Variants in SDSL observed in about 807,000 individuals in gnomAD.
The protein encoded by SDSL is serine dehydratase-like.
Under a neutral mutation model 27.6 loss-of-function variants are expected in SDSL, and 26 were observed. The observed-to-expected ratio is 0.94, with a 90% confidence interval of 0.69 to 1.31. SDSL has a LOEUF of 1.31. Ranked by LOEUF, SDSL falls within the 50% of genes most tolerant of loss-of-function variation. SDSL has a pLI of 0.00. For missense variants in SDSL, 431 were observed against 423.5 expected, an observed-to-expected ratio of 1.02 and a Z score of -0.16; for synonymous variants, 196 against 180.6, an observed-to-expected ratio of 1.09 and a Z score of -0.69.
Position 113,428,058 on chromosome 12 carries a change from C to T in SDSL, c.76C>T (p.Leu26=), listed in dbSNP as rs923063545. 1.9e-6 allele frequency: 3 copies of T among 1,613,924 alleles called. No homozygotes were observed. In the African/African-American group the frequency reaches 4.0e-5, roughly 22 times the overall value. Residue 26 remains leucine (L), a synonymous_variant, in exon 2 of 8, where the codon CTG becomes TTG. Coordinates refer to ENST00000403593, the MANE Select transcript of SDSL (RefSeq NM_001304993.2). ...VVTPLLESWA[L]SQVAGMPVFL... ...CACACCTCTGTTGGAGAGCTGGGCG[C>T]TGTCCCAGGTGGCGGGCATGCCTGT...
intron 1 of SDSL, among the ~76,000 whole-genome samples, chr12:113,423,496 G>A (rs1957814502): frequency 6.6e-6 from 1 of 152,116 alleles, no homozygotes; most frequent in South Asian, 2.1e-4. Flanking sequence ...TTATCCTAGT[G>A]TTTTGAGAGG....
Position 113,428,406 on chromosome 12 carries a change from C to A in SDSL, c.175-14C>A, listed in dbSNP as rs1159634246. On this transcript the variant is annotated splice_polypyrimidine_tract_variant and intron_variant, in intron 2 of 7. Coordinates refer to ENST00000403593, the MANE Select transcript of SDSL (RefSeq NM_001304993.2). ...GCTTGGGTTAGCCGCTAACCCCATTCCTTCTCTTCCCAGATGGCCAAGAAG... is the reference window on the plus strand; with the variant it reads ...GCTTGGGTTAGCCGCTAACCCCATTACTTCTCTTCCCAGATGGCCAAGAAG... 1 of 1,610,614 alleles carries A rather than the reference C, an allele frequency of 6.2e-7. No individual in the cohort carries two copies. Among genetic ancestry groups the A allele is most frequent in the African/African-American group, 1.3e-5 (1 of 74,880 alleles).
intron 1 of SDSL, chr12:113,426,268 T>A: frequency 2.2e-6 from 1 of 455,874 alleles, no homozygotes; most frequent in South Asian, 1.5e-5. Flanking sequence ...CTTCCTGTCA[T>A]CCATTTCAAA....
intron 7 of SDSL, 105 bp from the exon 8 acceptor site, chr12:113,437,781 C>A: frequency 9.7e-7 from 1 of 1,028,830 alleles, no homozygotes; most frequent in Non-Finnish European, 1.4e-6. Context: ...GAATGGCTGA[C>A]TGGCTGGAGA....
At chr12:113,429,449 A>G (rs1957892839) in intron 4 of SDSL, 150 bp downstream of exon 4, 1 of 902,750 alleles carries the variant, frequency 1.1e-6, no homozygotes, top group African/African-American at 1.7e-5. Flanking sequence ...GGGGGGAATG[A>G]GGTGGGATGG....
At chr12:113,436,432 G>T (rs977050886) in intron 6 of SDSL, among the ~76,000 whole-genome samples, 1 of 152,020 alleles carries the variant, frequency 6.6e-6, no homozygotes. Context: ...GGGATTACAG[G>T]CATGCACCAC....
intron 1 of SDSL, chr12:113,425,908 G>C: frequency 2.7e-6 from 1 of 373,568 alleles, no homozygotes; most frequent in Non-Finnish European, 5.3e-6. Flanking sequence ...AGAATCGCTT[G>C]AACCCGGGAG....
rs749886490 is a variant in SDSL at position 113,435,557 on chromosome 12, G to C, written c.671+1G>C. On this transcript the variant is annotated splice_donor_variant, in intron 6 of 7. Coordinates refer to ENST00000403593, the MANE Select transcript of SDSL (RefSeq NM_001304993.2). LOFTEE classifies it high-confidence loss of function. Reference sequence around the variant, plus strand: ...TGGTCACACTTCCAGACATCACCAGGTGGGTAAGGGCTGGGGACATTTGTA... The same window carrying C: ...TGGTCACACTTCCAGACATCACCAGCTGGGTAAGGGCTGGGGACATTTGTA... 1.2e-5 allele frequency: 19 copies of C among 1,611,494 alleles called. No homozygotes were observed. The African/African-American group carries it at 2.5e-4, about 22-fold the overall frequency.
intron 1 of SDSL, among the ~76,000 whole-genome samples, chr12:113,426,916 G>T (rs1222565928): frequency 6.6e-6 from 1 of 152,188 alleles, no homozygotes; most frequent in Non-Finnish European, 1.5e-5. Flanking sequence ...TCCAGCCTGG[G>T]TGACAGAGTG....
In SDSL at chr12:113,438,150, C is replaced by T; in HGVS notation, c.*71C>T. 3 of 1,334,742 alleles carry T rather than the reference C, an allele frequency of 2.2e-6. No individual in the cohort carries two copies. Among genetic ancestry groups the T allele is most frequent in the Non-Finnish European group, 3.1e-6 (3 of 968,920 alleles). The allele number at this position is 1,334,742 out of a possible 1,614,324, so 82.7% of individuals were successfully genotyped here. ...GTCCTGTGTCTGGATGAGGAGGACT[C>T]AGTGCTGGCAGATGGCAGTGGAAGC... On this transcript the variant is annotated 3_prime_UTR_variant, in exon 8 of 8. Transcript: ENST00000403593.
chr12:113,435,656 G>C, intron 6 of SDSL, 100 bp downstream of exon 6: 2 of 962,412 alleles, frequency 2.1e-6, no homozygotes, highest in Non-Finnish European at 3.2e-6. Flanking sequence ...GCACCCAAAA[G>C]GCTGTCCTTG....
rs748490848 is a variant in SDSL, at chr12:113,435,473, C to A, written c.588C>A (p.Ile196=). The change falls in exon 6 of 8, where the codon ATC becomes ATA. Residue 196 remains isoleucine, a synonymous_variant. Transcript: ENST00000403593. The part of the protein sequence containing the change: ...LLEVGWQHVP[I]IAMETHGAHC... Reference sequence around the variant, plus strand: ...AGGTGGGCTGGCAGCATGTACCCATCATTGCCATGGAGACCCATGGGGCAC... The same window carrying A: ...AGGTGGGCTGGCAGCATGTACCCATAATTGCCATGGAGACCCATGGGGCAC... 3.7e-6 allele frequency: 6 copies of A among 1,614,158 alleles called. No individual in the cohort carries two copies. In the Admixed American group the frequency reaches 8.3e-5, roughly 22 times the overall value.
intron 3 of SDSL, among the ~76,000 whole-genome samples, chr12:113,428,777 T>C (rs1957882807): frequency 1.3e-5 from 2 of 152,126 alleles, no homozygotes; most frequent in Non-Finnish European, 1.5e-5. Context: ...GGACTTTGCT[T>C]TCCTGCATAT....
At position 113,432,269 on chromosome 12, in the gene SDSL, T is replaced by TTTCTTTTTTTC. The variant is rs1555210078; in HGVS notation, c.355-1859_355-1858insTTTTCTTCTTT. On this transcript the variant is annotated intron_variant, in intron 4 of 7. Transcript: ENST00000403593. The stretch of plus-strand genomic sequence containing the variant: ...CTTTCTTTCTTTCTTTCTTTCTTTC[T>TTTCTTTTTTTC]TTCTTTCTTTCTTTCTTTCTTTCTC... 3.0e-4 allele frequency among the ~76,000 whole-genome samples: 43 copies of TTTCTTTTTTTC among 142,272 alleles called. 2 individuals are homozygous for TTTCTTTTTTTC. Among genetic ancestry groups the TTTCTTTTTTTC allele is most frequent in the African/African-American group, 1.1e-3 (39 of 36,438 alleles). The allele number at this position is 142,272 out of a possible 152,430, so 93.3% of individuals were successfully genotyped here.
At chr12:113,434,921 C>T (rs1957970012) in intron 5 of SDSL, among the ~76,000 whole-genome samples, 1 of 152,186 alleles carries the variant, frequency 6.6e-6, no homozygotes, top group Non-Finnish European at 1.5e-5. Flanking sequence ...TCGAGGCCAA[C>T]CTGGCCAACA....
intron 4 of SDSL, among the ~76,000 whole-genome samples, chr12:113,432,344 C>CTCTT (rs368619983): frequency 3.3e-5 from 5 of 150,444 alleles, no homozygotes; most frequent in Non-Finnish European, 7.4e-5. Context: ...CTCTGTCTCT[C>CTCTT]TCTTTCTTTC....
chr12:113,429,812 T>C (rs928672320), intron 4 of SDSL, among the ~76,000 whole-genome samples: 18 of 152,208 alleles, frequency 1.2e-4, no homozygotes, highest in African/African-American at 3.9e-4. Flanking sequence ...GGAAAACAGA[T>C]TTTTAAACCT....
At chr12:113,432,954 T>C (rs78597407) in intron 4 of SDSL, among the ~76,000 whole-genome samples, 1 of 152,336 alleles carries the variant, frequency 6.6e-6, no homozygotes, top group African/African-American at 2.4e-5. Context: ...GTCTTTGCTA[T>C]TGTGAGTACT....
At chr12:113,423,140 G>A (rs762565547) in intron 1 of SDSL, among the ~76,000 whole-genome samples, 4 of 152,222 alleles carry the variant, frequency 2.6e-5, no homozygotes, top group Non-Finnish European at 5.9e-5. Flanking sequence ...TTTAACTGAT[G>A]CCTGCTGTCC....
Sources: gnomAD v4.1 joint callset for allele counts (sites outside exome capture counted in the v4.1 genomes callset) on GRCh38, gnomAD v4.1.1 for gene constraint, MANE v1.5 for transcripts, NCBI Gene and HGNC (gene_info 2026-07-23, HGNC 2026-07-21) for gene names.